SHROOM3: variants seen among roughly 807,000 people sequenced by gnomAD.
SHROOM3 encodes the protein protein Shroom3.
SHROOM3 carries 47 observed loss-of-function variants against 138.6 expected under a neutral mutation model. That is an observed-to-expected ratio of 0.34 (90% CI 0.27 to 0.43). The LOEUF (loss-of-function observed/expected upper bound fraction) is 0.43. Among genes scored for constraint, SHROOM3 ranks in the 20% least tolerant of loss-of-function variants. The pLI, the probability that SHROOM3 is intolerant of heterozygous loss-of-function variation, is 1.00. For missense variants in SHROOM3, 2,491 were observed against 2,596.5 expected (o/e 0.96, Z 0.88); for synonymous variants, 1,062 against 1,063.3 (o/e 1.00, Z 0.02).
chr4:76,735,865 AAAAATATATATATATATATATATAT>A (rs1367119644), intron 4 of SHROOM3, among the ~76,000 whole-genome samples: 82 of 19,198 alleles, frequency 4.3e-3, no homozygotes, highest in African/African-American at 0.013. Context: ...AAAAAAAAAA[AAAAATATATATATATATATATATAT>A]ATATATATAT....
chr4:76,768,517 G>C (rs772060509), intron 9 of SHROOM3, among the ~76,000 whole-genome samples: 3 of 152,154 alleles, frequency 2.0e-5, no homozygotes, highest in Non-Finnish European at 4.4e-5. Context: ...TGGTGCAGCA[G>C]ATGTGATTTT....
At chr4:76,717,661 CTG>C (rs1441239659) in intron 3 of SHROOM3, among the ~76,000 whole-genome samples, 1 of 152,082 alleles carries the variant, frequency 6.6e-6, no homozygotes, top group African/African-American at 2.4e-5. Context: ...AAGGAAATCT[CTG>C]TACCTTCCAC....
intron 1 of SHROOM3, among the ~76,000 whole-genome samples, chr4:76,455,193 A>G (rs1442156313): frequency 6.6e-6 from 1 of 152,168 alleles, no homozygotes; most frequent in Admixed American, 6.5e-5. Flanking sequence ...ACAAGTGGTA[A>G]AAGTGGATAT....
intron 2 of SHROOM3, among the ~76,000 whole-genome samples, chr4:76,674,048 T>C (rs1190349090): frequency 6.6e-6 from 1 of 152,062 alleles, no homozygotes; most frequent in Non-Finnish European, 1.5e-5. Flanking sequence ...ACTTTTTTTT[T>C]CTTTTGTAGA....
At chr4:76,700,517 A>G (rs1248446644) in intron 2 of SHROOM3, among the ~76,000 whole-genome samples, 1 of 152,174 alleles carries the variant, frequency 6.6e-6, no homozygotes, top group Non-Finnish European at 1.5e-5. Context: ...GGCTGCTCTC[A>G]TGGTCTCTTT....
At chr4:76,620,021 A>G (rs893279271) in intron 2 of SHROOM3, among the ~76,000 whole-genome samples, 2 of 147,416 alleles carry the variant, frequency 1.4e-5, no homozygotes, top group African/African-American at 5.0e-5. Flanking sequence ...CAGTGAGCCA[A>G]GATGATGCCA....
chr4:76,636,381 C>T (rs546561555), intron 2 of SHROOM3, among the ~76,000 whole-genome samples: 1 of 152,260 alleles, frequency 6.6e-6, no homozygotes, highest in East Asian at 1.9e-4. Flanking sequence ...ATTTAATGAA[C>T]CTTCTGTGTA....
At chr4:76,549,530 G>A (rs1733302464) in intron 1 of SHROOM3, among the ~76,000 whole-genome samples, 1 of 151,988 alleles carries the variant, frequency 6.6e-6, no homozygotes, top group African/African-American at 2.4e-5. Context: ...CACCATGCCC[G>A]CCTAATTTTT....
intron 1 of SHROOM3, among the ~76,000 whole-genome samples, chr4:76,449,055 G>C (rs1306403983): frequency 6.6e-6 from 1 of 152,110 alleles, no homozygotes; most frequent in African/African-American, 2.4e-5. Context: ...GTCTCATTCT[G>C]CTTTTATCAT....
intron 2 of SHROOM3, 144 bp downstream of exon 2, chr4:76,555,907 C>G (rs1055725504): frequency 2.1e-5 from 19 of 900,064 alleles, no homozygotes; most frequent in Middle Eastern, 3.3e-4. Flanking sequence ...TTTCTTTTTT[C>G]TTTCCTATCT....
At chr4:76,748,941 T>G in intron 5 of SHROOM3, 76 bp from the exon 6 acceptor site, 1 of 1,458,998 alleles carries the variant, frequency 6.9e-7, no homozygotes, top group Non-Finnish European at 9.6e-7. Context: ...TTCCTTCTCC[T>G]TTTTACCTCC....
At chr4:76,590,335 C>T (rs537372820) in intron 2 of SHROOM3, among the ~76,000 whole-genome samples, 3 of 152,184 alleles carry the variant, frequency 2.0e-5, no homozygotes, top group South Asian at 2.1e-4. Flanking sequence ...AGGCCAGTTG[C>T]GGGTGAGCCG....
At chr4:76,625,241 A>G (rs911497290) in intron 2 of SHROOM3, among the ~76,000 whole-genome samples, 1 of 152,214 alleles carries the variant, frequency 6.6e-6, no homozygotes, top group African/African-American at 2.4e-5. Flanking sequence ...TATTGAACAT[A>G]GTTTAAAATA....
At chr4:76,769,573 T>G (rs373676011) in intron 9 of SHROOM3, among the ~76,000 whole-genome samples, 4 of 152,192 alleles carry the variant, frequency 2.6e-5, no homozygotes, top group South Asian at 2.1e-4. Flanking sequence ...TATGGAAATA[T>G]GTGATTAAGG....
At chr4:76,752,575 G>C (rs1303062249) in intron 6 of SHROOM3, among the ~76,000 whole-genome samples, 1 of 151,640 alleles carries the variant, frequency 6.6e-6, no homozygotes, top group Non-Finnish European at 1.5e-5. Flanking sequence ...CAGACTCTGG[G>C]TGACCCTCTC....
At chr4:76,726,309 A>G (rs1720703405) in intron 3 of SHROOM3, among the ~76,000 whole-genome samples, 1 of 151,508 alleles carries the variant, frequency 6.6e-6, no homozygotes, top group Non-Finnish European at 1.5e-5. Context: ...ATTCTCAGAG[A>G]CTCATCCTTA....
At chr4:76,606,611 G>A (rs1259058162) in intron 2 of SHROOM3, among the ~76,000 whole-genome samples, 2 of 151,980 alleles carry the variant, frequency 1.3e-5, no homozygotes, top group Non-Finnish European at 2.9e-5. Flanking sequence ...GCTGAGGCAG[G>A]ACAATCACTT....
chr4:76,503,671 C>T (rs1732147212), intron 1 of SHROOM3, among the ~76,000 whole-genome samples: 1 of 152,146 alleles, frequency 6.6e-6, no homozygotes, highest in African/African-American at 2.4e-5. Flanking sequence ...TGAGGTGATC[C>T]ACCTACCTCG....
At chr4:76,444,023 G>A (rs1730752336) in intron 1 of SHROOM3, among the ~76,000 whole-genome samples, 1 of 151,904 alleles carries the variant, frequency 6.6e-6, no homozygotes, top group African/African-American at 2.4e-5. Context: ...GACCTCCCTG[G>A]GGTGAGCTTC....
Sources: gnomAD v4.1 joint callset for allele counts (sites outside exome capture counted in the v4.1 genomes callset) on GRCh38, gnomAD v4.1.1 for gene constraint, MANE v1.5 for transcripts, NCBI Gene and HGNC (gene_info 2026-07-23, HGNC 2026-07-21) for gene names.